TRIM66: variants seen among roughly 807,000 people sequenced by gnomAD.
TRIM66 encodes tripartite motif containing 66.
TRIM66 carries 99 observed loss-of-function variants against 148.2 expected under a neutral mutation model. The ratio of observed to expected loss-of-function variants is 0.67; its 90% CI spans 0.57 to 0.79. TRIM66 has a LOEUF of 0.79. Among genes scored for constraint, TRIM66 ranks in the 30% least tolerant of loss-of-function variants. The pLI is 0.00. For missense variants in TRIM66, 1,666 were observed against 1,697.9 expected, an observed-to-expected ratio of 0.98 and a Z score of 0.33; for synonymous variants, 616 against 635.9, an observed-to-expected ratio of 0.97 and a Z score of 0.47.
intron 15 of TRIM66, among the ~76,000 whole-genome samples, chr11:8,638,026 A>G (rs753203995): frequency 4.6e-5 from 7 of 152,198 alleles, no homozygotes; most frequent in African/African-American, 7.2e-5. Flanking sequence ...AAGGCCTCCA[A>G]GAGCTCATCT....
chr11:8,655,013 A>C (rs539581468), intron 6 of TRIM66, among the ~76,000 whole-genome samples: 1 of 152,270 alleles, frequency 6.6e-6, no homozygotes, highest in Admixed American at 6.5e-5. Flanking sequence ...GGCACCTGCC[A>C]CTACGCCTGG....
chr11:8,646,669 G>T lies in TRIM66; in HGVS notation c.843-108C>A, dbSNP rs1257735772. On this transcript the variant is annotated intron_variant, in intron 10 of 24. Transcript: ENST00000646038. ...CTTGGAGGCTGCCTACTGAGATCAG[G>T]GCCTAGCAGACACCAAATACAAAAA... 6.4e-6 allele frequency: 5 copies of T among 776,726 alleles called. No homozygotes were observed. The East Asian group carries it at 1.3e-4, about 21-fold the overall frequency. 48.1% of individuals were successfully genotyped at this position (776,726 alleles called of 1,614,324 possible).
chr11:8,618,446 G>A (rs999896400), intron 24 of TRIM66, among the ~76,000 whole-genome samples: 7 of 152,220 alleles, frequency 4.6e-5, no homozygotes, highest in Non-Finnish European at 8.8e-5. Flanking sequence ...ATCACAGTGT[G>A]GAGTAACCAG....
At chr11:8,666,427 A>G (rs2038603712) in intron 6 of TRIM66, among the ~76,000 whole-genome samples, 1 of 151,948 alleles carries the variant, frequency 6.6e-6, no homozygotes, top group Non-Finnish European at 1.5e-5. Context: ...TCTGGTTCCA[A>G]ATTAAGCATG....
intron 15 of TRIM66, among the ~76,000 whole-genome samples, chr11:8,631,352 T>G (rs2035378878): frequency 6.6e-6 from 1 of 152,250 alleles, no homozygotes; most frequent in Admixed American, 6.5e-5. Flanking sequence ...GATAGGGTGG[T>G]GTTCCACATA....
chr11:8,621,999 T>C (rs1360553817), intron 18 of TRIM66, among the ~76,000 whole-genome samples, 180 bp from the exon 19 acceptor site: 2 of 152,038 alleles, frequency 1.3e-5, no homozygotes, highest in African/African-American at 4.8e-5. Flanking sequence ...GAGATTAACA[T>C]TTGAGTCAGT....
intron 6 of TRIM66, among the ~76,000 whole-genome samples, chr11:8,664,036 G>T (rs1325336920): frequency 6.6e-6 from 1 of 152,204 alleles, no homozygotes; most frequent in Non-Finnish European, 1.5e-5. Flanking sequence ...AAGTTAGATA[G>T]CAGGAGTCAG....
intron 17 of TRIM66, among the ~76,000 whole-genome samples, chr11:8,623,368 G>A (rs2034495125): frequency 6.6e-6 from 1 of 152,160 alleles, no homozygotes; most frequent in South Asian, 2.1e-4. Context: ...GGCAGTGATG[G>A]GGCAAAAGGA....
At chr11:8,623,103 C>T (rs184902883) in intron 17 of TRIM66, among the ~76,000 whole-genome samples, 12 of 152,330 alleles carry the variant, frequency 7.9e-5, no homozygotes, top group Admixed American at 7.8e-4. Flanking sequence ...ACAAGTAACA[C>T]TCAAGAGGCT....
At chr11:8,657,120 C>T (rs1213462745) in intron 6 of TRIM66, among the ~76,000 whole-genome samples, 1 of 152,176 alleles carries the variant, frequency 6.6e-6, no homozygotes, top group Non-Finnish European at 1.5e-5. Flanking sequence ...AGGGCCAAGG[C>T]AACACGGACA....
Position 8,617,126 on chromosome 11 carries a change from G to C in TRIM66, c.*818C>G, listed in dbSNP as rs185075363. 1.3e-5 allele frequency: 2 copies of C among 152,270 alleles called. No homozygotes were observed. Among genetic ancestry groups the C allele is most frequent in the Non-Finnish European group, 2.9e-5 (2 of 68,082 alleles). The allele number at this position is 152,270 out of a possible 1,614,324, so 9.4% of individuals were successfully genotyped here. On this transcript the variant is annotated 3_prime_UTR_variant, in exon 25 of 25. Coordinates refer to ENST00000646038, the MANE Select transcript of TRIM66 (RefSeq NM_001388022.1). ...ACCAACAGTCACTTCTAGGAAGGCA[G>C]GTTCTCACCCTAAAGAAGTGTGATT...
chr11:8,620,939 C>T, intron 20 of TRIM66, 93 bp downstream of exon 20: 2 of 1,462,358 alleles, frequency 1.4e-6, no homozygotes, highest in South Asian at 2.8e-5. Context: ...GGAGTAAGCC[C>T]ATCCTGGGAG....
chr11:8,632,781 G>A (rs1048594250), intron 15 of TRIM66, among the ~76,000 whole-genome samples: 1 of 152,116 alleles, frequency 6.6e-6, no homozygotes, highest in African/African-American at 2.4e-5. Context: ...ATTTTTAATG[G>A]CAAAGTTGTT....
intron 15 of TRIM66, among the ~76,000 whole-genome samples, chr11:8,628,721 T>C (rs1250501769): frequency 6.6e-6 from 1 of 151,286 alleles, no homozygotes; most frequent in Admixed American, 6.6e-5. Flanking sequence ...CTTACTCCCC[T>C]TCACTATCTC....
intron 6 of TRIM66, among the ~76,000 whole-genome samples, chr11:8,668,264 G>C (rs918837411): frequency 6.9e-6 from 1 of 145,794 alleles, no homozygotes; most frequent in South Asian, 2.2e-4. Context: ...TTAAAATCAG[G>C]TTTTTTTTTT....
Position 8,648,001 on chromosome 11 carries a change from G to C in TRIM66, c.811C>G (p.Leu271Val), listed in dbSNP as rs951681580. 8 of 1,551,860 alleles carry C rather than the reference G, an allele frequency of 5.2e-6. No homozygotes were observed. Among genetic ancestry groups the C allele is most frequent in the Non-Finnish European group, 7.0e-6 (8 of 1,147,028 alleles). Residue 271 changes from leucine to valine, a missense_variant, in exon 10 of 25, where the codon CTA becomes GTA. Physicochemically the swap from Leu to Val is conservative, Grantham distance 32. Around this residue, in one of 3 missense-constraint regions of TRIM66, gnomAD observed 1,431 missense variants for 1,412.4 expected, o/e 1.01. Coordinates refer to ENST00000646038, the MANE Select transcript of TRIM66 (RefSeq NM_001388022.1). ...TTQVAHKKSS[L>V]QTSAKQIEDR... ...TCAATTTGCTTTGCAGATGTCTGTA[G>C]ACTGGATTTCTTATGTGCCACCTGT...
chr11:8,683,046 G>C, upstream of TRIM66: 1 of 869,394 alleles, frequency 1.2e-6, no homozygotes, highest in South Asian at 1.6e-5. Flanking sequence ...ACCGTGGTGA[G>C]ACCTCACGGC....
chr11:8,622,355 C>CATATATATATATATATATATAT (rs1402167348), intron 18 of TRIM66, among the ~76,000 whole-genome samples: 1 of 53,220 alleles, frequency 1.9e-5, no homozygotes, highest in Non-Finnish European at 5.2e-5. Flanking sequence ...CACACACACA[C>CATATATATATATATATATATAT]ACACACACAC....
chr11:8,653,625 A>C (rs1187774917), intron 6 of TRIM66, among the ~76,000 whole-genome samples: 1 of 152,198 alleles, frequency 6.6e-6, no homozygotes, highest in Non-Finnish European at 1.5e-5. Context: ...ATCCCAGCCC[A>C]AACAGCCAAA....
Sources: allele counts gnomAD v4.1 joint callset (sites outside exome capture counted in the v4.1 genomes callset), GRCh38; gene constraint gnomAD v4.1.1; regional missense constraint gnomAD v4.1.1; transcripts MANE v1.5; gene names NCBI Gene and HGNC (gene_info 2026-07-23, HGNC 2026-07-21).